The following SPG7 variants were observed in gnomAD, a reference collection of about 807,000 sequenced individuals.
SPG7 encodes the protein mitochondrial inner membrane m-AAA protease component paraplegin.
A neutral mutation model predicts 81.9 loss-of-function variants in SPG7; 103 were observed. The observed-to-expected ratio is 1.26, with a 90% CI of 1.07 to 1.48. The LOEUF is 1.48. SPG7 is among the 40% of genes most tolerant of loss of function. The pLI is 0.00. For synonymous variants in SPG7, 534 were observed against 444.2 expected (o/e 1.20, Z -2.54); for missense variants, 1,241 against 1,087.3 (o/e 1.14, Z -1.99).
At chr16:89,518,335 A>G (rs1379623918) in intron 3 of SPG7, 1 of 152,256 alleles carries the variant, frequency 6.6e-6, no homozygotes, top group Non-Finnish European at 1.5e-5. Context: ...AATACCACTC[A>G]CTGATAACAC....
chr16:89,530,539 G>A (rs926020435), intron 6 of SPG7, 144 bp from the exon 7 acceptor site: 14 of 889,856 alleles, frequency 1.6e-5, no homozygotes, highest in South Asian at 4.0e-5. Context: ...TGTGAGCCTC[G>A]TCAGCCTGAC....
chr16:89,537,548 C>T, intron 9 of SPG7: 1 of 987,640 alleles, frequency 1.0e-6, no homozygotes, highest in Non-Finnish European at 1.2e-6. Flanking sequence ...TTTTTTTCTT[C>T]AGAGACAGGG....
intron 10 of SPG7, chr16:89,546,172 C>T (rs1294706908): frequency 1.3e-5 from 4 of 298,534 alleles, no homozygotes; most frequent in Non-Finnish European, 2.6e-5. Flanking sequence ...CTGCAACCAC[C>T]ATCTCCCAGG....
intron 12 of SPG7, chr16:89,548,848 G>T (rs147735763): frequency 9.2e-6 from 4 of 435,644 alleles, no homozygotes; most frequent in Non-Finnish European, 1.4e-5. Flanking sequence ...CAGGTTGAAC[G>T]TTTGAAAAGG....
chr16:89,544,132 A>C (rs2058534358), intron 9 of SPG7: 1 of 207,316 alleles, frequency 4.8e-6, no homozygotes. Flanking sequence ...AGGGCCAGTC[A>C]AGGTTCACAT....
At chr16:89,548,938 C>T in intron 12 of SPG7, 1 of 454,392 alleles carries the variant, frequency 2.2e-6, no homozygotes, top group Non-Finnish European at 4.4e-6. Flanking sequence ...GTTCCTCACC[C>T]TCAATTCGAG....
In SPG7 at chr16:89,532,457, C is replaced by T. The variant is rs780214440; in HGVS notation, c.1151-6C>T. ...CCATTTCCTGATTCTCTCTGTGTCCCCTCAGGCCTCGGCGCTGCCCGTGTG... is the reference window on the plus strand; with the variant it reads ...CCATTTCCTGATTCTCTCTGTGTCCTCTCAGGCCTCGGCGCTGCCCGTGTG... On this transcript the variant is annotated splice_polypyrimidine_tract_variant and splice_region_variant and intron_variant, in intron 8 of 16. Coordinates refer to ENST00000645818, the MANE Select transcript of SPG7 (RefSeq NM_003119.4). The T allele has an allele frequency of 6.2e-7, 1 of 1,613,268 alleles. No individual in the cohort carries two copies. The highest frequency in any genetic ancestry group is 8.5e-7 in the Non-Finnish European group (1 of 1,180,004).
chr16:89,510,772 C>A (rs892766907), intron 2 of SPG7, among the ~76,000 whole-genome samples, 180 bp downstream of exon 2: 3 of 152,158 alleles, frequency 2.0e-5, no homozygotes, highest in South Asian at 4.1e-4. Context: ...TCAAGGGATC[C>A]TCCCCACTTT....
intron 5 of SPG7, 136 bp downstream of exon 5, chr16:89,526,604 A>G: frequency 2.2e-6 from 2 of 898,344 alleles, no homozygotes; most frequent in Non-Finnish European, 3.7e-6. Context: ...GGTTAAATAA[A>G]TATAGAAGTG....
intron 9 of SPG7, chr16:89,537,137 G>A: frequency 6.8e-7 from 1 of 1,465,214 alleles, no homozygotes; most frequent in Non-Finnish European, 9.0e-7. Context: ...CGAGGTCCCA[G>A]GCCAGGCTTT....
intron 9 of SPG7, among the ~76,000 whole-genome samples, chr16:89,534,198 C>T (rs894900250): frequency 6.6e-6 from 1 of 152,176 alleles, no homozygotes; most frequent in African/African-American, 2.4e-5. Flanking sequence ...GCCTGTGTCC[C>T]GCTGTCTGTC....
intron 2 of SPG7, among the ~76,000 whole-genome samples, chr16:89,511,298 A>C (rs1420438042): frequency 1.3e-5 from 2 of 152,196 alleles, no homozygotes; most frequent in African/African-American, 2.4e-5. Context: ...ATACCCTGCA[A>C]ATAATTTGCT....
At position 89,532,099 on chromosome 16, in the gene SPG7, T is replaced by A. The variant is rs1470724149; in HGVS notation, c.1150+33T>A. 3 of 1,605,836 alleles carry A rather than the reference T, an allele frequency of 1.9e-6. No homozygotes were observed. In the East Asian group the frequency reaches 6.7e-5, roughly 36 times the overall value. On this transcript the variant is annotated intron_variant, in intron 8 of 16. Coordinates refer to ENST00000645818, the MANE Select transcript of SPG7 (RefSeq NM_003119.4). ...CTGTGGTTGGGGGCTGTGGGTGGGC[T>A]TGGCTGACTACCTGGCTCCTTTCAC...
intron 12 of SPG7, chr16:89,548,883 T>G: frequency 2.2e-6 from 1 of 449,196 alleles, no homozygotes; most frequent in Admixed American, 2.4e-5. Flanking sequence ...CCCAGGTGTT[T>G]GAGGAGCACG....
chr16:89,530,845 G>A (rs200068423), intron 7 of SPG7, 37 bp downstream of exon 7: 190 of 1,612,818 alleles, frequency 1.2e-4, no homozygotes, highest in Non-Finnish European at 1.5e-4. Flanking sequence ...GGTGTGAGCA[G>A]AGGCCGGCCG....
rs373110038 is a variant in SPG7 at position 89,536,156 on chromosome 16, G to C, written c.1324+3520G>C. Among the ~76,000 whole-genome samples the C allele has an allele frequency of 4.2e-3, 375 of 89,264 alleles. 3 individuals are homozygous for C. The highest frequency in any genetic ancestry group is 8.1e-3 in the Middle Eastern group (1 of 124). The allele number at this position is 89,264 out of a possible 152,430, so 58.6% of individuals were successfully genotyped here. On this transcript the variant is annotated intron_variant, in intron 9 of 16. Transcript: ENST00000645818. Reference sequence around the variant, plus strand: ...CCTCTCTGGTGCTGTGTGGCCTTCAGTGTGGCCGCTCTGGTGCTGTGTGGC... The same window carrying C: ...CCTCTCTGGTGCTGTGTGGCCTTCACTGTGGCCGCTCTGGTGCTGTGTGGC...
Position 89,546,580 on chromosome 16 carries a change from C to T in SPG7, c.1450-78C>T, listed in dbSNP as rs577802159. ...TCCCAGCTACTTGGGGACCCCCCCC[C>T]CCCACAGACAAACATGCCGCACCTG... On this transcript the variant is annotated intron_variant, in intron 10 of 16. Coordinates refer to ENST00000645818, the MANE Select transcript of SPG7 (RefSeq NM_003119.4). 4.0e-3 allele frequency: 3,812 copies of T among 956,700 alleles called. 114 individuals are homozygous for T. In the African/African-American group the frequency reaches 0.053, roughly 13 times the overall value. 59.3% of individuals were successfully genotyped at this position (956,700 alleles called of 1,614,324 possible).
At chr16:89,537,862 T>A in intron 9 of SPG7, 2 of 784,738 alleles carry the variant, frequency 2.5e-6, no homozygotes, top group Non-Finnish European at 3.1e-6. Context: ...AATGTGGCAG[T>A]AAATGTATCA....
At chr16:89,550,184 G>C (rs979958565) in intron 12 of SPG7, 2 of 364,728 alleles carry the variant, frequency 5.5e-6, no homozygotes, top group East Asian at 6.9e-5. Flanking sequence ...TTTTTTGTTT[G>C]TTTTTTGAGA....
Sources: allele counts gnomAD v4.1 joint callset (sites outside exome capture counted in the v4.1 genomes callset), GRCh38; gene constraint gnomAD v4.1.1; transcripts MANE v1.5; gene names NCBI Gene and HGNC (gene_info 2026-07-23, HGNC 2026-07-21).